POPDC2: variants seen among roughly 807,000 people sequenced by gnomAD.
POPDC2 encodes the protein popeye domain-containing protein 2.
In POPDC2, 24 loss-of-function variants were observed where a neutral mutation model predicts 30.5. That is an observed-to-expected ratio of 0.79 (90% CI 0.57 to 1.11). The LOEUF (loss-of-function observed/expected upper bound fraction) is 1.11, where lower values mean the gene tolerates loss of function less well. Ranked by LOEUF, POPDC2 falls within the 50% of genes least tolerant of loss-of-function variation. The pLI is 0.00. For synonymous variants in POPDC2, 185 were observed against 183.3 expected (o/e 1.01, Z -0.07); for missense variants, 409 against 447.0 (o/e 0.91, Z 0.77).
Position 119,648,362 on chromosome 3 carries a change from A to G in POPDC2, c.907T>C (p.Ser303Pro). 6.2e-7 allele frequency: 1 copy of G among 1,613,980 alleles called. No individual in the cohort carries two copies. Among genetic ancestry groups the G allele is most frequent in the Non-Finnish European group, 8.5e-7 (1 of 1,179,996 alleles). The change falls in exon 3 of 4, where the codon TCT (serine) becomes CCT (proline). Residue 303 changes from serine (S) to proline (P), a missense_variant. By Grantham distance (74) the Ser-to-Pro change is moderately conservative. Coordinates refer to ENST00000493094, the MANE Select transcript of POPDC2 (RefSeq NM_001369919.2). ...AVSPPQATPT[S>P]LQQTPPCSTP... ...GAACAAGGGGGTGTTTGCTGGAGAG[A>G]GGTGGGTGTGGCCTGAGGAGGGGAC...
At chr3:119,644,311 C>G (rs1464777997) in intron 3 of POPDC2, among the ~76,000 whole-genome samples, 1 of 152,222 alleles carries the variant, frequency 6.6e-6, no homozygotes, top group African/African-American at 2.4e-5. Context: ...TTTCACTCAA[C>G]AGACTACCTC....
chr3:119,651,693 C>T (rs549159045), intron 2 of POPDC2, among the ~76,000 whole-genome samples: 26 of 151,662 alleles, frequency 1.7e-4, no homozygotes, highest in Non-Finnish European at 3.1e-4. Flanking sequence ...TGGAGTACAG[C>T]GGTGTGATCT....
chr3:119,655,237 A>G (rs1560098741), intron 1 of POPDC2, among the ~76,000 whole-genome samples: 1 of 152,176 alleles, frequency 6.6e-6, no homozygotes, highest in Admixed American at 6.5e-5. Context: ...CTGAGGCAAG[A>G]GAATCACTTG....
intron 2 of POPDC2, among the ~76,000 whole-genome samples, chr3:119,650,304 C>G (rs1241365178): frequency 6.6e-6 from 1 of 152,166 alleles, no homozygotes. Context: ...ATTCACTTCC[C>G]TGGCTAGCTA....
At position 119,654,483 on chromosome 3, in the gene POPDC2, C is replaced by T. The variant is rs576717869; in HGVS notation, c.600+22G>A. The T allele has an allele frequency of 7.9e-6, 12 of 1,524,736 alleles. No homozygotes were observed. In the African/African-American group the frequency reaches 1.1e-4, roughly 14 times the overall value. 94.5% of individuals were successfully genotyped at this position (1,524,736 alleles called of 1,614,324 possible). On this transcript the variant is annotated intron_variant, in intron 2 of 3. Transcript: ENST00000493094. Reference sequence around the variant, plus strand: ...TACAGTGGGATGGGGTGAGGCGGTGCTGCCACCAGGCTCCCTGTTACCTGG... The same window carrying T: ...TACAGTGGGATGGGGTGAGGCGGTGTTGCCACCAGGCTCCCTGTTACCTGG...
intron 3 of POPDC2, among the ~76,000 whole-genome samples, chr3:119,642,824 G>T (rs943874409): frequency 3.9e-5 from 6 of 152,014 alleles, no homozygotes; most frequent in Non-Finnish European, 8.8e-5. Flanking sequence ...TCCTATGAAC[G>T]TTCTATAGAA....
chr3:119,648,931 C>T (rs1577168604), intron 2 of POPDC2, among the ~76,000 whole-genome samples: 1 of 152,206 alleles, frequency 6.6e-6, no homozygotes, highest in East Asian at 1.9e-4. Flanking sequence ...TCAGTTTCCA[C>T]ATCCACTTTC....
intron 1 of POPDC2, among the ~76,000 whole-genome samples, chr3:119,657,735 G>C (rs552244): frequency 0.36 from 54,329 of 152,030 alleles, 10,450 homozygotes; most frequent in East Asian, 0.66. Context: ...GATCTTCGTG[G>C]CTCGCTGAAG....
At chr3:119,648,721 T>G in intron 2 of POPDC2, 53 bp from the exon 3 acceptor site, 1 of 1,474,018 alleles carries the variant, frequency 6.8e-7, no homozygotes, top group African/African-American at 1.4e-5. Context: ...AATTTGTCCA[T>G]GCTGAGCACA....
At chr3:119,653,609 T>C (rs1469536684) in intron 2 of POPDC2, among the ~76,000 whole-genome samples, 2 of 151,744 alleles carry the variant, frequency 1.3e-5, no homozygotes, top group African/African-American at 4.9e-5. Context: ...TCCCAAGTAG[T>C]TGGGACTACA....
chr3:119,651,925 C>CGCCCA (rs981945505), intron 2 of POPDC2, among the ~76,000 whole-genome samples: 1 of 152,178 alleles, frequency 6.6e-6, no homozygotes, highest in Non-Finnish European at 1.5e-5. Flanking sequence ...TGAGCCACCG[C>CGCCCA]GCCCAGCCTC....
intron 1 of POPDC2, among the ~76,000 whole-genome samples, chr3:119,656,335 T>A (rs2052878759): frequency 6.6e-6 from 1 of 152,190 alleles, no homozygotes; most frequent in African/African-American, 2.4e-5. Flanking sequence ...TGGGTTACTG[T>A]GGCTGCAGCC....
intron 2 of POPDC2, among the ~76,000 whole-genome samples, 163 bp downstream of exon 2, chr3:119,654,342 T>TA (rs2052852184): frequency 1.3e-5 from 2 of 152,162 alleles, no homozygotes; most frequent in South Asian, 4.1e-4. Flanking sequence ...CACCTATGGC[T>TA]AGGAGCCCAG....
intron 1 of POPDC2, among the ~76,000 whole-genome samples, chr3:119,656,190 T>G (rs2052876912): frequency 4.6e-5 from 7 of 152,198 alleles, no homozygotes; most frequent in Admixed American, 1.3e-4. Context: ...TGAAATCACA[T>G]AAAATGTCCT....
rs1433903086 is a variant in POPDC2 at position 119,642,240 on chromosome 3, C to T, written c.*365G>A. 1.7e-5 allele frequency: 6 copies of T among 347,888 alleles called. No individual in the cohort carries two copies. Among genetic ancestry groups the T allele is most frequent in the East Asian group, 1.5e-4 (3 of 20,564 alleles). The allele number at this position is 347,888 out of a possible 1,614,324, so 21.6% of individuals were successfully genotyped here. A position where few individuals can be genotyped will look rare whatever the true frequency, so the allele number is the denominator to read the frequency against. ...CCAAGATTCTGCAGCTGGTAAAGGA[C>T]GGAATCTGTGCCTCTGCACTACCAA... On this transcript the variant is annotated 3_prime_UTR_variant, in exon 4 of 4. Transcript: ENST00000493094.
intron 1 of POPDC2, among the ~76,000 whole-genome samples, chr3:119,655,475 T>C (rs1361567926): frequency 6.6e-6 from 1 of 152,234 alleles, no homozygotes; most frequent in Non-Finnish European, 1.5e-5. Context: ...TTGTACAACA[T>C]AGATCTAGAA....
intron 1 of POPDC2, among the ~76,000 whole-genome samples, chr3:119,658,824 G>A (rs987081862): frequency 1.3e-4 from 19 of 151,232 alleles, no homozygotes; most frequent in African/African-American, 4.6e-4. Flanking sequence ...ACACAAACAC[G>A]TATTATTACT....
chr3:119,649,497 C>T (rs1343240570), intron 2 of POPDC2, among the ~76,000 whole-genome samples: 2 of 152,092 alleles, frequency 1.3e-5, no homozygotes, highest in Non-Finnish European at 2.9e-5. Context: ...AGTGGTAAAG[C>T]TGGGGTTAAA....
chr3:119,657,761 T>C (rs2052895826), intron 1 of POPDC2, among the ~76,000 whole-genome samples: 1 of 152,230 alleles, frequency 6.6e-6, no homozygotes. Context: ...TAAATCGGAA[T>C]GCTGTGCCCT....
Sources: gnomAD v4.1 joint callset for allele counts (sites outside exome capture counted in the v4.1 genomes callset) on GRCh38, gnomAD v4.1.1 for gene constraint, MANE v1.5 for transcripts, NCBI Gene and HGNC (gene_info 2026-07-23, HGNC 2026-07-21) for gene names.